DST: variants seen among roughly 807,000 people sequenced by gnomAD.
DST encodes dystonin.
In DST, 253 loss-of-function variants were observed where a neutral mutation model predicts 875.2. That is an observed-to-expected ratio of 0.29 (90% CI 0.26 to 0.32). DST has a LOEUF of 0.32. Ranked by LOEUF, DST falls within the 10% of genes least tolerant of loss-of-function variation. The pLI, the probability that DST is intolerant of heterozygous loss-of-function variation, is 1.00. For missense variants in DST, 8,287 were observed against 9,111.6 expected (o/e 0.91, Z 3.68); for synonymous variants, 3,124 against 3,197.1 (o/e 0.98, Z 0.77).
chr6:56,683,544 T>C (rs1181253142), intron 9 of DST, among the ~76,000 whole-genome samples: 1 of 152,186 alleles, frequency 6.6e-6, no homozygotes. Flanking sequence ...CTTCTACCCT[T>C]GGAACATTCT....
At chr6:56,635,464 C>A (rs2098816055) in intron 24 of DST, 125 bp downstream of exon 24, 2 of 974,816 alleles carry the variant, frequency 2.1e-6, no homozygotes, top group South Asian at 1.5e-5. Context: ...ACTGAATGTG[C>A]AAATGTGTAA....
At chr6:56,660,103 G>C (rs545724971) in intron 10 of DST, among the ~76,000 whole-genome samples, 19 of 152,316 alleles carry the variant, frequency 1.2e-4, no homozygotes, top group African/African-American at 4.6e-4. Context: ...GAAGAGAAGG[G>C]TTAATCATAC....
intron 3 of DST, among the ~76,000 whole-genome samples, chr6:56,892,629 C>T (rs1193811585): frequency 6.6e-6 from 1 of 152,088 alleles, no homozygotes; most frequent in Non-Finnish European, 1.5e-5. Context: ...CCCAGCACTA[C>T]CCATATTTTA....
intron 4 of DST, among the ~76,000 whole-genome samples, chr6:56,837,372 G>A (rs1475473600): frequency 6.6e-6 from 1 of 152,050 alleles, no homozygotes; most frequent in African/African-American, 2.4e-5. Context: ...CAACTAATCG[G>A]CCATCCTGAC....
At chr6:56,871,962 A>C (rs1387591423) in intron 3 of DST, among the ~76,000 whole-genome samples, 1 of 152,190 alleles carries the variant, frequency 6.6e-6, no homozygotes, top group Non-Finnish European at 1.5e-5. Context: ...GTGGCTGAGG[A>C]AAGTATAAAT....
intron 36 of DST, among the ~76,000 whole-genome samples, chr6:56,622,569 CAAAAAAA>C (rs61514901): frequency 1.4e-4 from 9 of 65,732 alleles, no homozygotes; most frequent in Non-Finnish European, 2.2e-4. Context: ...AGATCCGTCT[CAAAAAAA>C]AAAAAAAAAA....
intron 4 of DST, among the ~76,000 whole-genome samples, chr6:56,847,002 CAAAA>C (rs569665465): frequency 3.7e-3 from 191 of 51,994 alleles, no homozygotes; most frequent in African/African-American, 0.012. Flanking sequence ...GACCCTGTCT[CAAAA>C]AAAAAAAAAA....
chr6:56,766,959 T>C (rs2152971879), intron 4 of DST, among the ~76,000 whole-genome samples: 1 of 152,340 alleles, frequency 6.6e-6, no homozygotes, highest in African/African-American at 2.4e-5. Flanking sequence ...ACTTGGCTCA[T>C]GCCCTTAAGC....
intron 4 of DST, among the ~76,000 whole-genome samples, chr6:56,807,687 G>A (rs1254474181): frequency 2.0e-5 from 3 of 152,154 alleles, no homozygotes; most frequent in Non-Finnish European, 4.4e-5. Context: ...ACATTCATAC[G>A]TAACTAGCAT....
intron 50 of DST, among the ~76,000 whole-genome samples, chr6:56,577,339 T>C (rs928323354): frequency 3.9e-5 from 6 of 152,224 alleles, no homozygotes; most frequent in African/African-American, 1.4e-4. Flanking sequence ...CAATGGTATC[T>C]AATGTGGATA....
chr6:56,631,774 A>T, intron 29 of DST, 109 bp downstream of exon 29: 1 of 977,426 alleles, frequency 1.0e-6, no homozygotes, highest in Non-Finnish European at 1.6e-6. Flanking sequence ...ACCTCACACT[A>T]GACTGGCTAG....
intron 10 of DST, chr6:56,670,416 C>T: frequency 3.1e-6 from 1 of 325,844 alleles, no homozygotes; most frequent in Non-Finnish European, 5.5e-6. Flanking sequence ...CAAGGCTGTT[C>T]TCGAACTCCC....
In DST at chr6:56,608,382, G is replaced by T; in HGVS notation, c.6246C>A (p.Pro2082=). Residue 2082 remains proline (P), a synonymous_variant, in exon 40 of 104, where the codon CCC becomes CCA. Coordinates refer to ENST00000680361, the MANE Select transcript of DST (RefSeq NM_001374736.1). The part of the protein sequence containing the change: ...LIWPHSGEIF[P]TSSSLQQELI... ...ATTCTTGCTGCAAGGAAGATGATGT[G>T]GGAAATATTTCACCAGAATGGGGCC... The T allele has an allele frequency of 6.2e-7, 1 of 1,613,018 alleles. No individual in the cohort carries two copies.
intron 4 of DST, among the ~76,000 whole-genome samples, chr6:56,840,019 A>G (rs1284045627): frequency 6.6e-6 from 1 of 152,218 alleles, no homozygotes; most frequent in East Asian, 1.9e-4. Context: ...TTCCAGATCA[A>G]TAGAAAAATA....
chr6:56,526,536 G>C lies in DST; in HGVS notation c.17954C>G (p.Ala5985Gly), dbSNP rs781600658. 3 of 1,613,634 alleles carry C rather than the reference G, an allele frequency of 1.9e-6. No homozygotes were observed. The highest frequency in any genetic ancestry group is 1.7e-5 in the Admixed American group (1 of 59,978). Residue 5985 changes from alanine to glycine, a missense_variant, in exon 69 of 104, where the codon GCC (alanine) becomes GGC (glycine). Ala to Gly is a moderately conservative substitution (Grantham distance 60). This residue lies in a region of DST where 777 missense variants were observed against 764.8 expected (regional missense o/e 1.02). Transcript: ENST00000680361. ...CACTTCATTAAGGGAGTCCAGTAAG[G>C]CTTTGTTGTTCTTAGCTTCCTTTTT... ...ELKKEAKNNKALLDSLNEVSS... is the reference protein window; with the variant it reads ...ELKKEAKNNKGLLDSLNEVSS...
chr6:56,763,764 G>T (rs2099624970), intron 4 of DST, among the ~76,000 whole-genome samples: 1 of 145,664 alleles, frequency 6.9e-6, no homozygotes, highest in East Asian at 2.2e-4. Context: ...AAAACCAAAG[G>T]ATGTGCCTAG....
chr6:56,871,557 C>G, intron 3 of DST: 1 of 1,063,378 alleles, frequency 9.4e-7, no homozygotes, highest in East Asian at 2.4e-5. Context: ...AAACAAAGCA[C>G]CTAAGACACA....
At chr6:56,771,514 G>A (rs1187370641) in intron 4 of DST, among the ~76,000 whole-genome samples, 1 of 152,126 alleles carries the variant, frequency 6.6e-6, no homozygotes, top group African/African-American at 2.4e-5. Flanking sequence ...ATTTCTAAAT[G>A]TATAAATCAT....
chr6:56,511,411 C>T lies in DST; in HGVS notation c.18577-11G>A, dbSNP rs1465768681. The T allele has an allele frequency of 1.9e-6, 3 of 1,588,522 alleles. No homozygotes were observed. Among genetic ancestry groups the T allele is most frequent in the Non-Finnish European group, 2.6e-6 (3 of 1,167,090 alleles). ...CAACTCACGCAGTTGCTATAACAAA[C>T]CAAACAGCTTTTCAGTATCTCAGGG... On this transcript the variant is annotated splice_polypyrimidine_tract_variant and intron_variant, in intron 72 of 103. Coordinates refer to ENST00000680361, the MANE Select transcript of DST (RefSeq NM_001374736.1).
Sources: allele counts gnomAD v4.1 joint callset (sites outside exome capture counted in the v4.1 genomes callset), GRCh38; gene constraint gnomAD v4.1.1; regional missense constraint gnomAD v4.1.1; transcripts MANE v1.5; gene names NCBI Gene and HGNC (gene_info 2026-07-23, HGNC 2026-07-21).